Variants in NFIA observed in about 807,000 individuals in gnomAD.
NFIA encodes the protein nuclear factor 1 A-type.
A neutral mutation model predicts 62.8 loss-of-function variants in NFIA; 8 were observed. That is an observed-to-expected ratio of 0.13 (90% CI 0.07 to 0.23). The LOEUF (loss-of-function observed/expected upper bound fraction) is 0.23. NFIA is among the 10% of genes least tolerant of loss of function. The probability of loss-of-function intolerance (pLI) is 1.00; values close to 1 mark genes in which losing one functional copy is unlikely to be tolerated. For missense variants in NFIA, 410 were observed against 642.1 expected (o/e 0.64, Z 3.91); for synonymous variants, 235 against 238.1 (o/e 0.99, Z 0.12).
intron 3 of NFIA, among the ~76,000 whole-genome samples, chr1:61,283,938 T>C (rs777154530): frequency 2.0e-5 from 3 of 152,184 alleles, no homozygotes; most frequent in Non-Finnish European, 4.4e-5. Context: ...TTAAAAAAAT[T>C]TGGAGGCAAT....
intron 2 of NFIA, among the ~76,000 whole-genome samples, chr1:61,261,296 A>G (rs1173344567): frequency 6.6e-6 from 1 of 152,152 alleles, no homozygotes; most frequent in African/African-American, 2.4e-5. Context: ...CTAACTTAGG[A>G]TGGTTCAACT....
intron 9 of NFIA, among the ~76,000 whole-genome samples, chr1:61,423,116 G>A (rs987886476): frequency 6.6e-6 from 1 of 151,926 alleles, no homozygotes; most frequent in Non-Finnish European, 1.5e-5. Flanking sequence ...AAATACATTA[G>A]AGAGAGAGAG....
chr1:61,095,655 C>T (rs776811613), intron 2 of NFIA, among the ~76,000 whole-genome samples: 3 of 152,172 alleles, frequency 2.0e-5, no homozygotes, highest in African/African-American at 2.4e-5. Flanking sequence ...TGATGTTACA[C>T]TTGTCACTGT....
chr1:61,079,593 T>C (rs757760441), upstream of NFIA, among the ~76,000 whole-genome samples: 1 of 152,192 alleles, frequency 6.6e-6, no homozygotes, highest in African/African-American at 2.4e-5. Context: ...AAATAAATGA[T>C]TGGAGAGGTT....
chr1:61,180,773 T>C (rs917236428), intron 2 of NFIA, among the ~76,000 whole-genome samples: 1 of 152,234 alleles, frequency 6.6e-6, no homozygotes, highest in Non-Finnish European at 1.5e-5. Context: ...AACCGTGTTA[T>C]TGGGCCATTA....
At chr1:61,180,122 C>G (rs1216373263) in intron 2 of NFIA, among the ~76,000 whole-genome samples, 1 of 152,110 alleles carries the variant, frequency 6.6e-6, no homozygotes, top group Non-Finnish European at 1.5e-5. Flanking sequence ...GGTGGATGCC[C>G]CTGATTGTGT....
In NFIA at chr1:61,161,157, C is replaced by T. The variant is rs560431338; in HGVS notation, c.559+72477C>T. On this transcript the variant is annotated intron_variant, in intron 2 of 10. Transcript: ENST00000403491. ...CTCGAACTCCTGACCTCAAGTGATC[C>T]GTCCACCTTGGCCTCCCAAAGTGCT... Among the ~76,000 whole-genome samples, 15 of 152,330 alleles carry T rather than the reference C, an allele frequency of 9.8e-5. No individual in the cohort carries two copies. The South Asian group carries it at 1.2e-3, about 13-fold the overall frequency.
intron 3 of NFIA, among the ~76,000 whole-genome samples, chr1:61,285,553 CT>C (rs2100295078): frequency 6.6e-6 from 1 of 152,318 alleles, no homozygotes; most frequent in East Asian, 1.9e-4. Flanking sequence ...CCTTTTCTCC[CT>C]GCAGCTTCCT....
intron 10 of NFIA, among the ~76,000 whole-genome samples, chr1:61,438,751 A>G (rs531301032): frequency 3.3e-5 from 5 of 151,598 alleles, no homozygotes; most frequent in Non-Finnish European, 5.9e-5. Context: ...AGAGGGAAGG[A>G]AAAAAAAATC....
intron 3 of NFIA, among the ~76,000 whole-genome samples, chr1:61,286,379 G>A (rs1658497508): frequency 6.8e-6 from 1 of 146,840 alleles, no homozygotes; most frequent in African/African-American, 2.6e-5. Flanking sequence ...AGTGAGCAGA[G>A]ATTGCGCCAC....
intron 3 of NFIA, among the ~76,000 whole-genome samples, chr1:61,311,347 C>T (rs577402743): frequency 3.9e-5 from 6 of 151,908 alleles, no homozygotes; most frequent in Non-Finnish European, 8.8e-5. Context: ...GCCGAGATCG[C>T]GACATTGCAC....
At chr1:61,223,378 T>A (rs1654134077) in intron 2 of NFIA, among the ~76,000 whole-genome samples, 1 of 152,028 alleles carries the variant, frequency 6.6e-6, no homozygotes. Context: ...GTAGCTTTAA[T>A]GAAAGGTGTC....
chr1:61,091,721 G>T (rs1646323522), intron 2 of NFIA, among the ~76,000 whole-genome samples: 1 of 152,062 alleles, frequency 6.6e-6, no homozygotes, highest in Non-Finnish European at 1.5e-5. Context: ...AATATACCCG[G>T]CACGTGGCAA....
chr1:61,144,808 G>A (rs780189471), intron 2 of NFIA, among the ~76,000 whole-genome samples: 3 of 152,186 alleles, frequency 2.0e-5, no homozygotes, highest in Non-Finnish European at 2.9e-5. Flanking sequence ...ATGGGTAGAT[G>A]TTTATTTTCC....
chr1:61,255,667 A>T (rs2100223928), intron 2 of NFIA, among the ~76,000 whole-genome samples: 1 of 152,294 alleles, frequency 6.6e-6, no homozygotes, highest in East Asian at 1.9e-4. Context: ...TCCATAGTGG[A>T]AATAGAACTA....
At chr1:61,445,502 C>T (rs1398905229) in intron 10 of NFIA, among the ~76,000 whole-genome samples, 1 of 152,184 alleles carries the variant, frequency 6.6e-6, no homozygotes, top group Non-Finnish European at 1.5e-5. Context: ...TTTGAAACTG[C>T]AAACTCTCCC....
At chr1:61,083,232 G>A (rs1045619988) in intron 1 of NFIA, among the ~76,000 whole-genome samples, 3 of 152,012 alleles carry the variant, frequency 2.0e-5, no homozygotes, top group Non-Finnish European at 4.4e-5. Flanking sequence ...CAGGGATTCC[G>A]TAGTGCCGCA....
chr1:61,311,610 TAAC>T (rs1234557010), intron 3 of NFIA, among the ~76,000 whole-genome samples: 1 of 152,072 alleles, frequency 6.6e-6, no homozygotes, highest in East Asian at 1.9e-4. Flanking sequence ...TCCCCAGTAG[TAAC>T]AACCAGAAAT....
intron 10 of NFIA, among the ~76,000 whole-genome samples, chr1:61,446,505 A>C (rs554855057): frequency 6.6e-6 from 1 of 152,254 alleles, no homozygotes; most frequent in East Asian, 1.9e-4. Flanking sequence ...AACTAGAAAG[A>C]CCAGGAACAG....
Sources: gnomAD v4.1 joint callset for allele counts (sites outside exome capture counted in the v4.1 genomes callset) on GRCh38, gnomAD v4.1.1 for gene constraint, MANE v1.5 for transcripts, NCBI Gene and HGNC (gene_info 2026-07-23, HGNC 2026-07-21) for gene names.